The following EBF2 variants were observed in gnomAD, a reference collection of about 807,000 sequenced individuals.
EBF2 encodes EBF transcription factor 2.
EBF2 carries 21 observed loss-of-function variants against 72.8 expected under a neutral mutation model. That is an observed-to-expected ratio of 0.29 (90% CI 0.20 to 0.42). The LOEUF (loss-of-function observed/expected upper bound fraction) is 0.42. Ranked by LOEUF, EBF2 falls within the 10% of genes least tolerant of loss-of-function variation. EBF2 has a pLI of 1.00. For missense variants in EBF2, 637 were observed against 731.2 expected, an observed-to-expected ratio of 0.87 and a Z score of 1.49; for synonymous variants, 299 against 274.2, an observed-to-expected ratio of 1.09 and a Z score of -0.89.
chr8:25,948,895 T>A (rs550231028), intron 6 of EBF2, among the ~76,000 whole-genome samples: 67 of 152,296 alleles, frequency 4.4e-4, no homozygotes, highest in African/African-American at 1.5e-3. Context: ...CTAACTATGG[T>A]TGCAGACCCC....
At chr8:26,036,921 TAAAAC>T (rs1563215650) in intron 5 of EBF2, among the ~76,000 whole-genome samples, 3 of 151,470 alleles carry the variant, frequency 2.0e-5, no homozygotes, top group South Asian at 2.1e-4. Flanking sequence ...AAAAAATAAA[TAAAAC>T]AAAGAGAAGA....
At chr8:26,040,748 T>G in intron 3 of EBF2, 77 bp from the exon 4 acceptor site, 2 of 1,521,278 alleles carry the variant, frequency 1.3e-6, no homozygotes, top group Non-Finnish European at 1.8e-6. Context: ...CTGCCATGGG[T>G]CTGAGGCCCA....
intron 7 of EBF2, among the ~76,000 whole-genome samples, chr8:25,899,748 G>A (rs1802919581): frequency 6.6e-6 from 1 of 152,180 alleles, no homozygotes; most frequent in Non-Finnish European, 1.5e-5. Flanking sequence ...GCCCAGCTGT[G>A]TGTACGAGGT....
chr8:25,985,296 T>G (rs1804431735), intron 6 of EBF2, among the ~76,000 whole-genome samples: 1 of 152,136 alleles, frequency 6.6e-6, no homozygotes, highest in African/African-American at 2.4e-5. Flanking sequence ...ACATATAAAA[T>G]ATACAGTGCC....
chr8:25,954,387 C>A (rs957719274), intron 6 of EBF2, among the ~76,000 whole-genome samples: 1 of 152,202 alleles, frequency 6.6e-6, no homozygotes, highest in African/African-American at 2.4e-5. Context: ...AGCGGCCCCA[C>A]CTTCGCGCGC....
At chr8:25,868,099 G>C (rs1802367707) in intron 10 of EBF2, among the ~76,000 whole-genome samples, 1 of 152,066 alleles carries the variant, frequency 6.6e-6, no homozygotes, top group Admixed American at 6.5e-5. Flanking sequence ...ACAACTTACT[G>C]TATTTCACAA....
chr8:25,912,464 T>G (rs1803143856), intron 6 of EBF2, among the ~76,000 whole-genome samples: 2 of 35,216 alleles, frequency 5.7e-5, no homozygotes, highest in African/African-American at 1.3e-4. Flanking sequence ...GGTCTAAAAA[T>G]GGCACACACA....
intron 6 of EBF2, among the ~76,000 whole-genome samples, chr8:25,987,974 C>T (rs555579367): frequency 6.6e-6 from 1 of 152,250 alleles, no homozygotes; most frequent in East Asian, 1.9e-4. Context: ...TCTCATAATT[C>T]ACTGAATTTT....
intron 6 of EBF2, among the ~76,000 whole-genome samples, chr8:26,023,774 G>T (rs1386077019): frequency 6.6e-6 from 1 of 152,168 alleles, no homozygotes; most frequent in African/African-American, 2.4e-5. Context: ...CTTTGGAGTG[G>T]TGAGTGTGCT....
In EBF2 at chr8:26,005,453, T is replaced by TTATTTATAAAA. The variant is rs1563205924; in HGVS notation, c.551+27631_551+27632insTTTTATAAATA. Reference sequence around the variant, plus strand: ...TATATATATTATATTATAAAATATATTATATATTATAAAATATAATATTAT... The same window carrying TTATTTATAAAA: ...TATATATATTATATTATAAAATATATTATTTATAAAATATATATTATAAAATATAATATTAT... On this transcript the variant is annotated intron_variant, in intron 6 of 15. Coordinates refer to ENST00000520164, the MANE Select transcript of EBF2 (RefSeq NM_022659.4). Among the ~76,000 whole-genome samples, 163 of 16,370 alleles carry TTATTTATAAAA rather than the reference T, an allele frequency of 1.0e-2. 4 individuals are homozygous for TTATTTATAAAA. The highest frequency in any genetic ancestry group is 0.029 in the African/African-American group (154 of 5,274). 10.7% of individuals were successfully genotyped at this position (16,370 alleles called of 152,430 possible).
At chr8:25,959,400 T>A (rs1325564902) in intron 6 of EBF2, among the ~76,000 whole-genome samples, 1 of 152,168 alleles carries the variant, frequency 6.6e-6, no homozygotes, top group East Asian at 1.9e-4. Flanking sequence ...AGATAGGATT[T>A]CACCAAGTTC....
At chr8:25,936,035 C>G (rs1391281737) in intron 6 of EBF2, among the ~76,000 whole-genome samples, 1 of 151,984 alleles carries the variant, frequency 6.6e-6, no homozygotes, top group Non-Finnish European at 1.5e-5. Flanking sequence ...CATTAGGAGC[C>G]GATGTGAAGT....
chr8:25,975,326 T>C (rs1804252313), intron 6 of EBF2, among the ~76,000 whole-genome samples: 1 of 152,166 alleles, frequency 6.6e-6, no homozygotes, highest in Admixed American at 6.5e-5. Context: ...GAAGTTTAGT[T>C]GGTACAGAAT....
intron 6 of EBF2, among the ~76,000 whole-genome samples, chr8:26,006,550 C>T (rs1804885528): frequency 6.6e-6 from 1 of 152,122 alleles, no homozygotes; most frequent in South Asian, 2.1e-4. Context: ...TTCCTTATGA[C>T]TCTATATTTA....
chr8:26,027,873 T>C (rs926569188), intron 6 of EBF2, among the ~76,000 whole-genome samples: 11 of 152,198 alleles, frequency 7.2e-5, no homozygotes, highest in African/African-American at 2.7e-4. Context: ...AGATAAGCAC[T>C]ACCTGGTTCC....
chr8:26,045,052 T>A lies in EBF2; in HGVS notation c.-193A>T. 1.7e-6 allele frequency: 1 copy of A among 580,150 alleles called. No individual in the cohort carries two copies. The highest frequency in any genetic ancestry group is 2.5e-5 in the South Asian group (1 of 40,442). 35.9% of individuals were successfully genotyped at this position (580,150 alleles called of 1,614,324 possible). A position where few individuals can be genotyped will look rare whatever the true frequency, so the allele number is the denominator to read the frequency against. On this transcript the variant is annotated 5_prime_UTR_variant, in exon 1 of 16. Coordinates refer to ENST00000520164, the MANE Select transcript of EBF2 (RefSeq NM_022659.4). ...TTCACTGGCGAGGTGCGGACTGATGTAGTCAAAGTTTGGGTTCTTATCCTC... is the reference window on the plus strand; with the variant it reads ...TTCACTGGCGAGGTGCGGACTGATGAAGTCAAAGTTTGGGTTCTTATCCTC...
intron 6 of EBF2, among the ~76,000 whole-genome samples, chr8:26,005,965 T>C (rs1407818910): frequency 6.6e-6 from 1 of 152,082 alleles, no homozygotes; most frequent in African/African-American, 2.4e-5. Context: ...CCATGCAGCA[T>C]GTCTCCATTG....
At chr8:25,955,061 G>A (rs1389095428) in intron 6 of EBF2, among the ~76,000 whole-genome samples, 4 of 152,206 alleles carry the variant, frequency 2.6e-5, no homozygotes, top group Non-Finnish European at 4.4e-5. Context: ...GTTCGAGGAG[G>A]GCACGGAGCG....
chr8:25,995,411 A>G (rs1371564491), intron 6 of EBF2, among the ~76,000 whole-genome samples: 3 of 152,226 alleles, frequency 2.0e-5, no homozygotes, highest in Non-Finnish European at 4.4e-5. Flanking sequence ...AAGAAATAAA[A>G]ACAATAAAAA....
Sources: allele counts gnomAD v4.1 joint callset (sites outside exome capture counted in the v4.1 genomes callset), GRCh38; gene constraint gnomAD v4.1.1; transcripts MANE v1.5; gene names NCBI Gene and HGNC (gene_info 2026-07-23, HGNC 2026-07-21).